Variants in CEP85L observed in about 807,000 individuals in gnomAD.
The protein encoded by CEP85L is centrosomal protein 85L.
A neutral mutation model predicts 100.3 loss-of-function variants in CEP85L; 60 were observed. The observed-to-expected ratio is 0.60, with a 90% CI of 0.49 to 0.74. The LOEUF (loss-of-function observed/expected upper bound fraction) is 0.74. Ranked by LOEUF, CEP85L falls within the 30% of genes least tolerant of loss-of-function variation. The pLI is 0.00. For synonymous variants in CEP85L, 319 were observed against 322.7 expected (o/e 0.99, Z 0.12); for missense variants, 973 against 936.2 (o/e 1.04, Z -0.51).
At chr6:118,531,224 T>C (rs1279293938) in intron 3 of CEP85L, among the ~76,000 whole-genome samples, 1 of 152,080 alleles carries the variant, frequency 6.6e-6, no homozygotes, top group Non-Finnish European at 1.5e-5. Flanking sequence ...CACCTGATTT[T>C]CATCAACGTC....
chr6:118,480,431 C>T lies in CEP85L; in HGVS notation c.1828G>A (p.Asp610Asn). The T allele has an allele frequency of 6.2e-7, 1 of 1,611,098 alleles. No homozygotes were observed. Among genetic ancestry groups the T allele is most frequent in the East Asian group, 2.2e-5 (1 of 44,742 alleles). The change falls in exon 9 of 13, where the codon GAT becomes AAT. Residue 610 changes from aspartate (D) to asparagine (N), a missense_variant. Asp to Asn is a conservative substitution (Grantham distance 23). This residue lies in a region of CEP85L where 890 missense variants were observed against 844.5 expected (regional missense o/e 1.05). Coordinates refer to ENST00000368491, the MANE Select transcript of CEP85L (RefSeq NM_001042475.3). ...LDAKQLQNENDNLRQQNETAS... is the reference protein window; with the variant it reads ...LDAKQLQNENNNLRQQNETAS... ...GTCTCATTTTGTTGTCTGAGATTAT[C>T]ATTTTCATTCTGAAGCTGTTTTGCA...
chr6:118,632,695 GGGTATAAAA>G (rs1421624799), intron 1 of CEP85L, 84 bp from the exon 2 acceptor site: 12 of 1,053,830 alleles, frequency 1.1e-5, no homozygotes, highest in South Asian at 5.8e-5. Flanking sequence ...AATACACATA[GGGTATAAAA>G]GGTATAAAAG....
intron 1 of CEP85L, 31 bp downstream of exon 1, chr6:118,651,166 A>C (rs955123596): frequency 6.7e-7 from 1 of 1,483,716 alleles, no homozygotes; most frequent in Non-Finnish European, 8.9e-7. Flanking sequence ...CGTGACCCCC[A>C]CCCCAGCCGG....
chr6:118,652,125 A>T (rs901858128), upstream of CEP85L, among the ~76,000 whole-genome samples: 4 of 152,198 alleles, frequency 2.6e-5, no homozygotes, highest in African/African-American at 9.6e-5. Flanking sequence ...AGGCACCAGA[A>T]TATAGCACCG....
chr6:118,544,618 T>C (rs1269738474), intron 3 of CEP85L, among the ~76,000 whole-genome samples: 1 of 152,192 alleles, frequency 6.6e-6, no homozygotes, highest in East Asian at 1.9e-4. Context: ...TGGCCTCTCT[T>C]AATGTCAATG....
rs577926024 is a variant in CEP85L, at chr6:118,555,215, A to G, written c.1020+10314T>C. 3.9e-5 allele frequency among the ~76,000 whole-genome samples: 6 copies of G among 152,222 alleles called. No homozygotes were observed. The South Asian group carries it at 1.2e-3, about 32-fold the overall frequency. ...GGGAGGCCGAGGCGGGTGGATCACG[A>G]GGTCGGGAGATCGAGACCATCCTGG... On this transcript the variant is annotated intron_variant, in intron 3 of 12. Coordinates refer to ENST00000368491, the MANE Select transcript of CEP85L (RefSeq NM_001042475.3).
At chr6:118,530,720 C>A (rs1777241787) in intron 3 of CEP85L, among the ~76,000 whole-genome samples, 2 of 151,740 alleles carry the variant, frequency 1.3e-5, no homozygotes, top group African/African-American at 4.8e-5. Flanking sequence ...TATATGCCAA[C>A]AACTTCCAAT....
intron 2 of CEP85L, among the ~76,000 whole-genome samples, chr6:118,598,807 T>C (rs1414810725): frequency 6.6e-6 from 1 of 151,980 alleles, no homozygotes; most frequent in Non-Finnish European, 1.5e-5. Context: ...TACAGGGGAG[T>C]AGAGGTTAAC....
intron 1 of CEP85L, among the ~76,000 whole-genome samples, chr6:118,658,975 A>T (rs1403144572): frequency 6.6e-6 from 1 of 152,034 alleles, no homozygotes; most frequent in Admixed American, 6.5e-5. Context: ...ATTTTGGGGG[A>T]ATCTATTTTT....
intron 1 of CEP85L, among the ~76,000 whole-genome samples, chr6:118,692,747 G>A (rs1251636249): frequency 8.0e-5 from 5 of 62,726 alleles, no homozygotes; most frequent in South Asian, 4.9e-4. Context: ...AGCTAGTTAA[G>A]GGCAGAAGAA....
At chr6:118,563,908 A>G (rs922855711) in intron 3 of CEP85L, among the ~76,000 whole-genome samples, 4 of 152,218 alleles carry the variant, frequency 2.6e-5, no homozygotes, top group Admixed American at 6.5e-5. Flanking sequence ...TTTAATGATT[A>G]CAACTTAGTT....
chr6:118,627,289 C>A (rs1166587007), intron 2 of CEP85L, among the ~76,000 whole-genome samples: 2 of 149,120 alleles, frequency 1.3e-5, no homozygotes, highest in African/African-American at 5.0e-5. Context: ...AGAAAACAGA[C>A]AAGTGGGAAA....
intron 2 of CEP85L, among the ~76,000 whole-genome samples, chr6:118,574,736 G>T (rs1390613088): frequency 6.6e-6 from 1 of 151,840 alleles, no homozygotes; most frequent in East Asian, 1.9e-4. Context: ...GAAAAGCCAG[G>T]GGGCAGCAGG....
chr6:118,651,858 C>T, upstream of CEP85L: 1 of 985,612 alleles, frequency 1.0e-6, no homozygotes, highest in Non-Finnish European at 1.2e-6. Context: ...TTGCGATACT[C>T]GCCCCTCCCT....
intron 1 of CEP85L, among the ~76,000 whole-genome samples, chr6:118,704,555 G>A (rs772709755): frequency 7.9e-5 from 12 of 152,140 alleles, no homozygotes; most frequent in African/African-American, 2.4e-4. Context: ...TGCATCCTCC[G>A]CCTCCTGGGT....
chr6:118,513,456 G>A (rs564721590), intron 4 of CEP85L, among the ~76,000 whole-genome samples: 1 of 151,770 alleles, frequency 6.6e-6, no homozygotes, highest in African/African-American at 2.4e-5. Flanking sequence ...GCAACCAGAG[G>A]GAAAAAAGAT....
At chr6:118,678,529 A>G (rs1776550231) in intron 1 of CEP85L, among the ~76,000 whole-genome samples, 1 of 152,120 alleles carries the variant, frequency 6.6e-6, no homozygotes, top group Admixed American at 6.6e-5. Flanking sequence ...CATTTACTTT[A>G]TCATACCATT....
chr6:118,564,949 AAAGCACTTTCTAT>A (rs1358015472), intron 3 of CEP85L: 2 of 152,562 alleles, frequency 1.3e-5, no homozygotes, highest in Non-Finnish European at 2.9e-5. Context: ...ATATCATCAT[AAAGCACTTTCTAT>A]AAGCTGATTA....
intron 1 of CEP85L, among the ~76,000 whole-genome samples, chr6:118,677,045 A>C (rs1309838188): frequency 6.6e-6 from 1 of 152,136 alleles, no homozygotes; most frequent in African/African-American, 2.4e-5. Context: ...TATGGAGTCT[A>C]CTTCATGTTG....
Sources: allele counts gnomAD v4.1 joint callset (sites outside exome capture counted in the v4.1 genomes callset), GRCh38; gene constraint gnomAD v4.1.1; regional missense constraint gnomAD v4.1.1; transcripts MANE v1.5; gene names NCBI Gene and HGNC (gene_info 2026-07-23, HGNC 2026-07-21).